RERE: variants seen among roughly 807,000 people sequenced by gnomAD.
The protein encoded by RERE is arginine-glutamic acid dipeptide repeats protein.
In RERE, 40 loss-of-function variants were observed where a neutral mutation model predicts 146.1. The ratio of observed to expected loss-of-function variants is 0.27; its 90% CI spans 0.21 to 0.36. The LOEUF (loss-of-function observed/expected upper bound fraction) is 0.36. Among genes scored for constraint, RERE ranks in the 10% least tolerant of loss-of-function variants. The probability of loss-of-function intolerance (pLI) is 1.00; values close to 1 mark genes in which losing one functional copy is unlikely to be tolerated. For synonymous variants in RERE, 1,003 were observed against 866.0 expected, an observed-to-expected ratio of 1.16 and a Z score of -2.78; for missense variants, 1,933 against 2,138.7, an observed-to-expected ratio of 0.90 and a Z score of 1.90.
At chr1:8,359,255 G>C (rs1641448394) in intron 19 of RERE, among the ~76,000 whole-genome samples, 1 of 152,192 alleles carries the variant, frequency 6.6e-6, no homozygotes, top group Admixed American at 6.5e-5. Flanking sequence ...GAACCTCACT[G>C]GCAGTCCCTC....
chr1:8,613,230 C>T (rs1299611718), intron 4 of RERE, among the ~76,000 whole-genome samples: 1 of 152,192 alleles, frequency 6.6e-6, no homozygotes, highest in Non-Finnish European at 1.5e-5. Flanking sequence ...CTTACACAGG[C>T]TCTCTACTGC....
chr1:8,494,613 C>T (rs540127188), intron 10 of RERE, among the ~76,000 whole-genome samples: 92 of 152,296 alleles, frequency 6.0e-4, no homozygotes, highest in Admixed American at 1.2e-3. Flanking sequence ...GTCCCAGCTA[C>T]TCCGGAGGCT....
In RERE at chr1:8,509,332, C is replaced by T. The variant is rs139125375; in HGVS notation, c.831-657G>A. On this transcript the variant is annotated intron_variant, in intron 7 of 22. Coordinates refer to ENST00000400908, the MANE Select transcript of RERE (RefSeq NM_001042681.2). ...CAGACATTTCTTCCGTTCAAAACAT[C>T]TCAGGGTGCCCTACCATAAGCCTTA... 2.0e-5 allele frequency among the ~76,000 whole-genome samples: 3 copies of T among 152,248 alleles called. No individual in the cohort carries two copies. In the East Asian group the frequency reaches 5.8e-4, roughly 29 times the overall value.
intron 20 of RERE, among the ~76,000 whole-genome samples, chr1:8,357,067 C>A (rs1456656876): frequency 6.6e-6 from 1 of 152,220 alleles, no homozygotes; most frequent in Non-Finnish European, 1.5e-5. Flanking sequence ...TCTCCTGATC[C>A]CCTCTTCTGG....
intron 10 of RERE, among the ~76,000 whole-genome samples, chr1:8,475,951 A>G (rs1644750634): frequency 6.6e-6 from 1 of 152,220 alleles, no homozygotes; most frequent in Non-Finnish European, 1.5e-5. Context: ...GATAATGGAA[A>G]AGACAAAGAA....
At chr1:8,524,368 T>G (rs1177164588) in intron 7 of RERE, among the ~76,000 whole-genome samples, 1 of 152,208 alleles carries the variant, frequency 6.6e-6, no homozygotes, top group African/African-American at 2.4e-5. Flanking sequence ...TTTCAGTGAC[T>G]AGAATTCACC....
chr1:8,695,661 T>G (rs1166998336), intron 1 of RERE, among the ~76,000 whole-genome samples: 2 of 147,938 alleles, frequency 1.4e-5, no homozygotes, highest in African/African-American at 5.0e-5. Flanking sequence ...CTTGGGAGGC[T>G]GAGGCAGAGA....
At chr1:8,623,293 C>CA (rs1011859822) in intron 3 of RERE, among the ~76,000 whole-genome samples, 8 of 151,684 alleles carry the variant, frequency 5.3e-5, no homozygotes, top group South Asian at 4.2e-4. Flanking sequence ...GCTAAAAATA[C>CA]AAAAAAAATC....
chr1:8,615,050 A>G (rs939747535), intron 3 of RERE, among the ~76,000 whole-genome samples: 19 of 152,228 alleles, frequency 1.2e-4, no homozygotes, highest in African/African-American at 4.6e-4. Context: ...TGTCAGATAC[A>G]ACCGTAAAAT....
At chr1:8,592,740 A>G in intron 4 of RERE, among the ~76,000 whole-genome samples, 1 of 152,138 alleles carries the variant, frequency 6.6e-6, no homozygotes, top group East Asian at 2.0e-4. Flanking sequence ...ATCTTTGCGC[A>G]GAGTTCTACT....
chr1:8,362,940 C>T (rs1641647736), intron 15 of RERE, 96 bp from the exon 16 acceptor site: 1 of 1,366,994 alleles, frequency 7.3e-7, no homozygotes, highest in Admixed American at 2.2e-5. Context: ...GAAGGCACAC[C>T]CTATCAGCCT....
intron 10 of RERE, among the ~76,000 whole-genome samples, chr1:8,481,367 G>A (rs1003690789): frequency 2.0e-5 from 3 of 152,142 alleles, no homozygotes; most frequent in African/African-American, 7.2e-5. Context: ...GCCTGCCTTG[G>A]CCTCCCAAAG....
At chr1:8,766,975 T>G (rs1182633143) in intron 1 of RERE, among the ~76,000 whole-genome samples, 7 of 152,224 alleles carry the variant, frequency 4.6e-5, no homozygotes, top group African/African-American at 1.7e-4. Context: ...TTAATCAACA[T>G]GTATCAAAAA....
chr1:8,554,225 T>C (rs1038774900), intron 6 of RERE, among the ~76,000 whole-genome samples: 1 of 152,154 alleles, frequency 6.6e-6, no homozygotes, highest in African/African-American at 2.4e-5. Flanking sequence ...CAATGATAAG[T>C]ACTCAAATAT....
chr1:8,789,282 CAAA>C (rs58993452), intron 1 of RERE, among the ~76,000 whole-genome samples: 51 of 38,486 alleles, frequency 1.3e-3, no homozygotes, highest in African/African-American at 5.4e-3. Context: ...TCCTCTCTAC[CAAA>C]AAAAAAAAAA....
chr1:8,403,420 A>G (rs938133530), intron 12 of RERE, among the ~76,000 whole-genome samples: 1 of 141,256 alleles, frequency 7.1e-6, no homozygotes, highest in Admixed American at 7.6e-5. Context: ...TTGCTGTATT[A>G]TATTCATATT....
chr1:8,414,885 T>C (rs1272199070), intron 12 of RERE, among the ~76,000 whole-genome samples: 1 of 152,194 alleles, frequency 6.6e-6, no homozygotes, highest in Non-Finnish European at 1.5e-5. Context: ...GGGGATGCCT[T>C]TCCCATGCTG....
At chr1:8,411,492 C>A (rs1472753760) in intron 12 of RERE, among the ~76,000 whole-genome samples, 1 of 151,964 alleles carries the variant, frequency 6.6e-6, no homozygotes, top group African/African-American at 2.4e-5. Context: ...AGGACAAATG[C>A]CAGTATTCTG....
chr1:8,735,105 C>G (rs553879789), intron 1 of RERE, among the ~76,000 whole-genome samples: 1 of 152,216 alleles, frequency 6.6e-6, no homozygotes, highest in African/African-American at 2.4e-5. Context: ...TTCTTAATAA[C>G]TCATAATTAT....
Sources: allele counts gnomAD v4.1 joint callset (sites outside exome capture counted in the v4.1 genomes callset), GRCh38; gene constraint gnomAD v4.1.1; transcripts MANE v1.5; gene names NCBI Gene and HGNC (gene_info 2026-07-23, HGNC 2026-07-21).